Variants in RBFOX1 observed in about 807,000 individuals in gnomAD.
RBFOX1 encodes the protein RNA binding fox-1 homolog 1.
A neutral mutation model predicts 57.7 loss-of-function variants in RBFOX1; 8 were observed. That is an observed-to-expected ratio of 0.14 (90% CI 0.08 to 0.25). RBFOX1 has a LOEUF of 0.25. Ranked by LOEUF, RBFOX1 falls within the 10% of genes least tolerant of loss-of-function variation. The pLI is 1.00. For synonymous variants in RBFOX1, 326 were observed against 222.4 expected, an observed-to-expected ratio of 1.47 and a Z score of -4.15; for missense variants, 611 against 548.5, an observed-to-expected ratio of 1.11 and a Z score of -1.14.
At position 7,266,279 on chromosome 16, in the gene RBFOX1, G is replaced by A. The variant is rs536369097; in HGVS notation, c.27+214181G>A. On this transcript the variant is annotated intron_variant, in intron 4 of 15. Transcript: ENST00000550418. ...TGTGAGCCACCGTGCCCGGCCGGTA[G>A]AGATGTGGTGATTTTAAAGTGTGTG... Among the ~76,000 whole-genome samples the A allele has an allele frequency of 3.1e-3, 470 of 151,884 alleles. 6 individuals are homozygous for A. Among genetic ancestry groups the A allele is most frequent in the East Asian group, 1.6e-3 (8 of 5,128 alleles).
At chr16:5,388,231 C>G (rs2066307613) in intron 1 of RBFOX1, among the ~76,000 whole-genome samples, 1 of 152,142 alleles carries the variant, frequency 6.6e-6, no homozygotes, top group Non-Finnish European at 1.5e-5. Context: ...AGCCAGGGGT[C>G]TCTGCCTCAC....
chr16:5,887,943 CCACA>C (rs1184187955), intron 4 of RBFOX1, among the ~76,000 whole-genome samples: 1 of 152,020 alleles, frequency 6.6e-6, no homozygotes, highest in Non-Finnish European at 1.5e-5. Context: ...AGGGCAAGGA[CCACA>C]CACACACATC....
intron 4 of RBFOX1, among the ~76,000 whole-genome samples, chr16:7,474,665 C>G (rs756309110): frequency 6.6e-6 from 1 of 152,186 alleles, no homozygotes; most frequent in Non-Finnish European, 1.5e-5. Flanking sequence ...TCCCTTATTA[C>G]TTGTGTAACT....
intron 9 of RBFOX1, among the ~76,000 whole-genome samples, chr16:7,604,363 C>T (rs572265915): frequency 2.0e-5 from 3 of 152,098 alleles, no homozygotes; most frequent in Non-Finnish European, 4.4e-5. Flanking sequence ...CCATGATGAC[C>T]CAAGCATTTC....
In RBFOX1 at chr16:6,940,319, C is replaced by G. The variant is rs1291736821; in HGVS notation, c.-15-111738C>G. Among the ~76,000 whole-genome samples, 4 of 152,172 alleles carry G rather than the reference C, an allele frequency of 2.6e-5. No homozygotes were observed. In the East Asian group the frequency reaches 5.8e-4, roughly 22 times the overall value. On this transcript the variant is annotated intron_variant, in intron 3 of 15. Coordinates refer to ENST00000550418, the MANE Select transcript of RBFOX1 (RefSeq NM_018723.4). ...GCTGCTGTGAGTTGCTCTGACCAAGCTAGGTTTTGGGAGATGCTTAAAAGC... is the reference window on the plus strand; with the variant it reads ...GCTGCTGTGAGTTGCTCTGACCAAGGTAGGTTTTGGGAGATGCTTAAAAGC...
At chr16:5,751,527 G>C (rs1263767877) in intron 3 of RBFOX1, among the ~76,000 whole-genome samples, 1 of 152,102 alleles carries the variant, frequency 6.6e-6, no homozygotes. Context: ...TAGATGATGT[G>C]GCTGCTGGAT....
At chr16:6,285,606 T>A in intron 1 of RBFOX1, among the ~76,000 whole-genome samples, 1 of 152,184 alleles carries the variant, frequency 6.6e-6, no homozygotes, top group Non-Finnish European at 1.5e-5. Context: ...CTTTTTGTTC[T>A]GGTGAGAGGT....
Position 6,315,096 on chromosome 16 carries a change from A to G in RBFOX1, c.-126-1899A>G, listed in dbSNP as rs143301275. Among the ~76,000 whole-genome samples the G allele has an allele frequency of 7.3e-3, 1,107 of 152,372 alleles. 7 individuals are homozygous for G. The highest frequency in any genetic ancestry group is 0.012 in the Non-Finnish European group (829 of 68,036). ...AAGCACCGACTTTGTGCTAAGCACA[A>G]TGCTACTTGTTTTACAAATATTAAC... On this transcript the variant is annotated intron_variant, in intron 1 of 15. Transcript: ENST00000550418.
chr16:6,992,564 C>A (rs918636947), intron 3 of RBFOX1, among the ~76,000 whole-genome samples: 2 of 152,024 alleles, frequency 1.3e-5, no homozygotes, highest in African/African-American at 4.8e-5. Flanking sequence ...AGCTTGGGTT[C>A]CTCAGTAGTC....
At chr16:5,942,647 A>T (rs1213116319) in intron 4 of RBFOX1, among the ~76,000 whole-genome samples, 1 of 152,068 alleles carries the variant, frequency 6.6e-6, no homozygotes, top group Non-Finnish European at 1.5e-5. Flanking sequence ...AGTTTTGATA[A>T]GGTCTATTAT....
intron 3 of RBFOX1, among the ~76,000 whole-genome samples, chr16:6,736,306 C>G (rs2070282851): frequency 6.6e-6 from 1 of 152,058 alleles, no homozygotes; most frequent in African/African-American, 2.4e-5. Context: ...TTATCCCTCA[C>G]CCCTCTACTC....
intron 4 of RBFOX1, among the ~76,000 whole-genome samples, chr16:7,445,032 T>C (rs956573139): frequency 6.6e-6 from 1 of 152,122 alleles, no homozygotes; most frequent in African/African-American, 2.4e-5. Flanking sequence ...TCTTCTTTTT[T>C]TCTTTTGGGA....
chr16:6,484,427 T>A (rs1472327813), intron 2 of RBFOX1, among the ~76,000 whole-genome samples: 1 of 148,480 alleles, frequency 6.7e-6, no homozygotes, highest in Non-Finnish European at 1.5e-5. Context: ...CTGAACACGC[T>A]TCGACTTGAG....
intron 3 of RBFOX1, among the ~76,000 whole-genome samples, chr16:5,766,007 C>T (rs1169464637): frequency 6.6e-6 from 1 of 152,198 alleles, no homozygotes; most frequent in Non-Finnish European, 1.5e-5. Flanking sequence ...ACTGGAGAGT[C>T]AGCCCATTGG....
intron 4 of RBFOX1, among the ~76,000 whole-genome samples, chr16:7,348,947 A>G (rs971889354): frequency 2.0e-5 from 3 of 152,154 alleles, no homozygotes; most frequent in African/African-American, 7.2e-5. Context: ...ACCTCAAAGA[A>G]AAAAAGAATG....
chr16:5,424,315 A>T (rs573346820), intron 1 of RBFOX1, among the ~76,000 whole-genome samples: 35 of 152,350 alleles, frequency 2.3e-4, no homozygotes, highest in Admixed American at 1.4e-3. Context: ...TCACTGATTC[A>T]GAGTTCATTG....
At chr16:7,646,610 G>A (rs1422384474) in intron 11 of RBFOX1, among the ~76,000 whole-genome samples, 1 of 152,210 alleles carries the variant, frequency 6.6e-6, no homozygotes, top group Non-Finnish European at 1.5e-5. Flanking sequence ...GCAGTCTCAT[G>A]CAAATTCAAA....
chr16:7,360,405 C>T (rs1293411401), intron 4 of RBFOX1, among the ~76,000 whole-genome samples: 1 of 152,082 alleles, frequency 6.6e-6, no homozygotes. Flanking sequence ...CTACAGTGTG[C>T]CTGTATGTAT....
intron 2 of RBFOX1, among the ~76,000 whole-genome samples, chr16:6,565,957 C>G (rs1167764467): frequency 1.3e-5 from 2 of 152,154 alleles, no homozygotes; most frequent in Non-Finnish European, 2.9e-5. Flanking sequence ...ACATATTTCT[C>G]TCTGTTCATC....
Sources: gnomAD v4.1 joint callset for allele counts (sites outside exome capture counted in the v4.1 genomes callset) on GRCh38, gnomAD v4.1.1 for gene constraint, MANE v1.5 for transcripts, NCBI Gene and HGNC (gene_info 2026-07-23, HGNC 2026-07-21) for gene names.